The following GLRA3 variants were observed in gnomAD, a reference collection of about 807,000 sequenced individuals.
The protein encoded by GLRA3 is glycine receptor subunit alpha-3.
In GLRA3, 44 loss-of-function variants were observed where a neutral mutation model predicts 60.4. The ratio of observed to expected loss-of-function variants is 0.73; its 90% CI spans 0.57 to 0.94. The LOEUF (loss-of-function observed/expected upper bound fraction) is 0.94. Ranked by LOEUF, GLRA3 falls within the 40% of genes least tolerant of loss-of-function variation. The pLI is 0.00. For synonymous variants in GLRA3, 223 were observed against 192.9 expected, an observed-to-expected ratio of 1.16 and a Z score of -1.29; for missense variants, 508 against 564.6, an observed-to-expected ratio of 0.90 and a Z score of 1.02.
At chr4:174,687,098 T>C (rs1734577959) in intron 5 of GLRA3, among the ~76,000 whole-genome samples, 1 of 152,138 alleles carries the variant, frequency 6.6e-6, no homozygotes, top group African/African-American at 2.4e-5. Context: ...AAAACAATGG[T>C]GGGTAAAACT....
At chr4:174,686,520 G>C (rs917264293) in intron 5 of GLRA3, among the ~76,000 whole-genome samples, 4 of 152,304 alleles carry the variant, frequency 2.6e-5, no homozygotes, top group Non-Finnish European at 1.5e-5. Context: ...GCAACCAAAC[G>C]CTTGTTTTAC....
chr4:174,821,509 T>A (rs1401638236), intron 1 of GLRA3, among the ~76,000 whole-genome samples: 1 of 152,122 alleles, frequency 6.6e-6, no homozygotes, highest in Non-Finnish European at 1.5e-5. Flanking sequence ...GCAGAAGTTT[T>A]TTCTCAGGGG....
chr4:174,664,237 A>G (rs1036486103), intron 7 of GLRA3, among the ~76,000 whole-genome samples: 2 of 152,096 alleles, frequency 1.3e-5, no homozygotes, highest in African/African-American at 4.8e-5. Context: ...CATCGTATCT[A>G]TCCCTATGGA....
intron 5 of GLRA3, among the ~76,000 whole-genome samples, chr4:174,689,170 C>T (rs1054489987): frequency 3.3e-5 from 5 of 152,032 alleles, no homozygotes; most frequent in Admixed American, 2.6e-4. Context: ...AATTAAAATG[C>T]ACTATAAAAT....
chr4:174,780,601 A>G (rs1221283494), intron 2 of GLRA3, among the ~76,000 whole-genome samples: 25 of 150,588 alleles, frequency 1.7e-4, no homozygotes, highest in African/African-American at 6.1e-4. Flanking sequence ...TAGGCTCAAA[A>G]TAAAAGGATG....
intron 8 of GLRA3, 118 bp downstream of exon 8, chr4:174,658,936 T>C: frequency 1.2e-6 from 1 of 841,136 alleles, no homozygotes. Flanking sequence ...ATGAAAGGAA[T>C]ATTATATCAT....
At chr4:174,722,882 T>A (rs1433401068) in intron 4 of GLRA3, 2 of 167,102 alleles carry the variant, frequency 1.2e-5, no homozygotes, top group African/African-American at 4.8e-5. Flanking sequence ...TCCTGTGAGA[T>A]TTTCAAAAAC....
At chr4:174,678,502 G>T (rs907434636) in intron 6 of GLRA3, among the ~76,000 whole-genome samples, 5 of 152,150 alleles carry the variant, frequency 3.3e-5, no homozygotes, top group Non-Finnish European at 5.9e-5. Flanking sequence ...CTGTCCTATT[G>T]CTAGGTAGGG....
chr4:174,682,474 C>T (rs1438342127), intron 6 of GLRA3, among the ~76,000 whole-genome samples: 1 of 151,990 alleles, frequency 6.6e-6, no homozygotes, highest in Non-Finnish European at 1.5e-5. Flanking sequence ...GTGTTTACTG[C>T]CCAAGAATGG....
chr4:174,728,790 T>C (rs10000456), intron 3 of GLRA3, 92 bp from the exon 4 acceptor site: 120,245 of 740,898 alleles, frequency 0.16, 10,851 homozygotes, highest in South Asian at 0.21. Context: ...GGCAGGCTCA[T>C]CAACTGTAGA....
intron 2 of GLRA3, among the ~76,000 whole-genome samples, chr4:174,784,527 T>G (rs1301009599): frequency 6.6e-6 from 1 of 151,154 alleles, no homozygotes; most frequent in East Asian, 1.9e-4. Flanking sequence ...ACATCAAAAC[T>G]TAGATGCAAA....
chr4:174,786,099 T>A (rs565299531), intron 2 of GLRA3, among the ~76,000 whole-genome samples: 1 of 152,174 alleles, frequency 6.6e-6, no homozygotes, highest in South Asian at 2.1e-4. Context: ...TGCTCATTTT[T>A]AAAATTTTAA....
chr4:174,712,374 A>G (rs1735747230), intron 5 of GLRA3: 1 of 152,138 alleles, frequency 6.6e-6, no homozygotes, highest in Admixed American at 6.5e-5. Flanking sequence ...AGCCTCTGAA[A>G]TTCTTGAAAC....
intron 9 of GLRA3, among the ~76,000 whole-genome samples, chr4:174,656,521 G>T (rs1401810737): frequency 6.6e-6 from 1 of 151,656 alleles, no homozygotes; most frequent in Non-Finnish European, 1.5e-5. Flanking sequence ...TAAAATGAAG[G>T]GTAATATTTA....
At chr4:174,732,688 A>G (rs1736599497) in intron 3 of GLRA3, among the ~76,000 whole-genome samples, 1 of 152,082 alleles carries the variant, frequency 6.6e-6, no homozygotes, top group South Asian at 2.1e-4. Context: ...GTAAAACAGT[A>G]AAAACAAAAA....
At chr4:174,684,617 T>C (rs1734482838) in intron 5 of GLRA3, among the ~76,000 whole-genome samples, 2 of 152,298 alleles carry the variant, frequency 1.3e-5, no homozygotes, top group Non-Finnish European at 2.9e-5. Context: ...GAGGCAGAAT[T>C]GTTGTTACTT....
At chr4:174,711,087 T>C (rs959707759) in intron 5 of GLRA3, among the ~76,000 whole-genome samples, 24 of 152,024 alleles carry the variant, frequency 1.6e-4, no homozygotes, top group Non-Finnish European at 2.4e-4. Context: ...TATTAATATA[T>C]AATAATGTAT....
At chr4:174,704,415 A>G (rs1735439066) in intron 5 of GLRA3, among the ~76,000 whole-genome samples, 1 of 143,960 alleles carries the variant, frequency 6.9e-6, no homozygotes, top group African/African-American at 2.5e-5. Flanking sequence ...TTCTCACACA[A>G]AGAAGATGGC....
At chr4:174,772,146 A>G (rs140409089) in intron 2 of GLRA3, among the ~76,000 whole-genome samples, 1 of 152,344 alleles carries the variant, frequency 6.6e-6, no homozygotes, top group African/African-American at 2.4e-5. Context: ...TGAAATACAG[A>G]AAATAACATC....
Sources: allele counts gnomAD v4.1 joint callset (sites outside exome capture counted in the v4.1 genomes callset), GRCh38; gene constraint gnomAD v4.1.1; transcripts MANE v1.5; gene names NCBI Gene and HGNC (gene_info 2026-07-23, HGNC 2026-07-21).